Variants in NPAT observed in about 807,000 individuals in gnomAD.
NPAT encodes the protein nuclear protein, coactivator of histone transcription, also known as protein NPAT.
NPAT carries 52 observed loss-of-function variants against 130.7 expected under a neutral mutation model. The ratio of observed to expected loss-of-function variants is 0.40; its 90% CI spans 0.32 to 0.50. NPAT has a LOEUF of 0.50. Among genes scored for constraint, NPAT ranks in the 20% least tolerant of loss-of-function variants. The probability of loss-of-function intolerance (pLI) is 0.68; values close to 1 mark genes in which losing one functional copy is unlikely to be tolerated. For synonymous variants in NPAT, 580 were observed against 584.8 expected, an observed-to-expected ratio of 0.99 and a Z score of 0.12; for missense variants, 1,687 against 1,662.6, an observed-to-expected ratio of 1.01 and a Z score of -0.26.
At position 108,169,920 on chromosome 11, in the gene NPAT, A is replaced by C. The variant is rs948355550; in HGVS notation, c.2901+8T>G. 6.2e-7 allele frequency: 1 copy of C among 1,612,390 alleles called. No individual in the cohort carries two copies. The highest frequency in any genetic ancestry group is 1.1e-5 in the South Asian group (1 of 91,052). ...ATCACCACACCATTTTCAGTTCATA[A>C]ATCTTACCTGCCGAGGAGGAGTAGA... On this transcript the variant is annotated splice_region_variant and intron_variant, in intron 14 of 17. Coordinates refer to ENST00000278612, the MANE Select transcript of NPAT (RefSeq NM_002519.3).
chr11:108,172,029 A>G lies in NPAT; in HGVS notation c.2785+170T>C, dbSNP rs183450328. The G allele has an allele frequency of 7.9e-5, 50 of 630,606 alleles. No homozygotes were observed. The East Asian group carries it at 1.2e-3, about 16-fold the overall frequency. 39.1% of individuals were successfully genotyped at this position (630,606 alleles called of 1,614,324 possible). On this transcript the variant is annotated intron_variant, in intron 13 of 17. Coordinates refer to ENST00000278612, the MANE Select transcript of NPAT (RefSeq NM_002519.3). ...AGCTTACTAGCAGATTAAGAAAAAT[A>G]AAAAAGGTTTGAATTAGCTAGCATA... is the stretch of plus-strand genomic sequence containing the variant.
At position 108,173,054 on chromosome 11, in the gene NPAT, A is replaced by C. The variant is rs1337471222; in HGVS notation, c.1930T>G (p.Leu644Val). 85 of 1,613,898 alleles carry C rather than the reference A, an allele frequency of 5.3e-5. No homozygotes were observed. The highest frequency in any genetic ancestry group is 7.0e-5 in the Non-Finnish European group (83 of 1,179,986). Residue 644 changes from leucine (L) to valine (V), a missense_variant, in exon 13 of 18, where the codon TTA (leucine) becomes GTA (valine). Leu to Val is a conservative substitution (Grantham distance 32). Coordinates refer to ENST00000278612, the MANE Select transcript of NPAT (RefSeq NM_002519.3). ...QPSNDSASVE[L>V]NHTENEAQAS... Reference sequence around the variant, plus strand: ...TGAGCTTCATTTTCTGTATGATTTAACTCAACAGATGCTGAATCATTAGAT... The same window carrying C: ...TGAGCTTCATTTTCTGTATGATTTACCTCAACAGATGCTGAATCATTAGAT...
In NPAT at chr11:108,157,554, A is replaced by G. The variant is rs181715087; in HGVS notation, c.*1388T>C. The G allele has an allele frequency of 6.6e-6, 1 of 152,254 alleles. No individual in the cohort carries two copies. Among genetic ancestry groups the G allele is most frequent in the Non-Finnish European group, 1.5e-5 (1 of 67,952 alleles). The allele number at this position is 152,254 out of a possible 1,614,324, so 9.4% of individuals were successfully genotyped here. On this transcript the variant is annotated 3_prime_UTR_variant, in exon 18 of 18. Coordinates refer to ENST00000278612, the MANE Select transcript of NPAT (RefSeq NM_002519.3). ...TTTTTGCAGTAAGGTTCAGCAATTA[A>G]GAAGACATGATTTCTACACTGAGAA... is the stretch of plus-strand genomic sequence containing the variant.
chr11:108,207,025 T>G (rs1434900969), intron 1 of NPAT, among the ~76,000 whole-genome samples: 1 of 152,176 alleles, frequency 6.6e-6, no homozygotes, highest in Non-Finnish European at 1.5e-5. Flanking sequence ...GGTAGCTCCT[T>G]TCTGCAGGCA....
chr11:108,174,609 T>C (rs1591392175), intron 12 of NPAT, among the ~76,000 whole-genome samples: 1 of 130,250 alleles, frequency 7.7e-6, no homozygotes, highest in South Asian at 2.5e-4. Context: ...AAGGAAAGAG[T>C]ATTTCCTTTT....
Position 108,173,382 on chromosome 11 carries a change from T to A in NPAT, c.1602A>T (p.Leu534Phe), listed in dbSNP as rs2077973516. 1 of 1,613,950 alleles carries A rather than the reference T, an allele frequency of 6.2e-7. No homozygotes were observed. The highest frequency in any genetic ancestry group is 8.5e-7 in the Non-Finnish European group (1 of 1,179,836). Residue 534 changes from leucine (L) to phenylalanine (F), a missense_variant, in exon 13 of 18, where the codon TTA becomes TTT. Physicochemically the swap from Leu to Phe is conservative, Grantham distance 22. Around this residue, in one of 3 missense-constraint regions of NPAT, gnomAD observed 1,379 missense variants for 1,346.6 expected, o/e 1.02. Coordinates refer to ENST00000278612, the MANE Select transcript of NPAT (RefSeq NM_002519.3). ...LILSGKSSQL[L>F]SQDTSLTGKP... is the part of the protein sequence containing the mutation. The stretch of plus-strand genomic sequence containing the variant: ...TTCCAGTTAATGAAGTATCTTGGGA[T>A]AAAAGTTGAGAACTCTTCCCAGAGA...
In NPAT at chr11:108,218,843, C is replaced by A. The variant is rs531768494; in HGVS notation, c.37+3657G>T. On this transcript the variant is annotated intron_variant, in intron 1 of 17. Coordinates refer to ENST00000278612, the MANE Select transcript of NPAT (RefSeq NM_002519.3). ...TTATGAAGGGTAACAGTTGGAGATA[C>A]AACAGAAAAGACAAAATGGGTAAGG... is the stretch of plus-strand genomic sequence containing the variant. Among the ~76,000 whole-genome samples the A allele has an allele frequency of 2.0e-5, 3 of 152,132 alleles. No homozygotes were observed. In the East Asian group the frequency reaches 5.8e-4, roughly 29 times the overall value.
At chr11:108,170,149 G>C in intron 13 of NPAT, 106 bp from the exon 14 acceptor site, 1 of 617,340 alleles carries the variant, frequency 1.6e-6, no homozygotes, top group South Asian at 1.5e-5. Flanking sequence ...TAAATTCTAT[G>C]AACAATCCCT....
At chr11:108,221,103 G>C (rs1328876734) in intron 1 of NPAT, among the ~76,000 whole-genome samples, 1 of 152,100 alleles carries the variant, frequency 6.6e-6, no homozygotes, top group African/African-American at 2.4e-5. Context: ...TGCTTTCTTA[G>C]GGCTTTCTTA....
chr11:108,211,880 G>A (rs1347639645), intron 1 of NPAT, among the ~76,000 whole-genome samples: 2 of 152,212 alleles, frequency 1.3e-5, no homozygotes, highest in African/African-American at 2.4e-5. Context: ...AGTCTGGGAG[G>A]CTGAGGCTGC....
At chr11:108,212,189 C>T (rs2078390526) in intron 1 of NPAT, among the ~76,000 whole-genome samples, 1 of 151,838 alleles carries the variant, frequency 6.6e-6, no homozygotes, top group African/African-American at 2.4e-5. Context: ...TTCAACATTG[C>T]ATGTATCCTC....
At chr11:108,192,223 C>T in intron 3 of NPAT, 33 bp from the exon 4 acceptor site, 1 of 1,361,848 alleles carries the variant, frequency 7.3e-7, no homozygotes, top group African/African-American at 1.4e-5. Flanking sequence ...CTTAATAAAC[C>T]CAGCTGAAGA....
intron 15 of NPAT, among the ~76,000 whole-genome samples, chr11:108,167,445 TCAAA>T (rs2077911943): frequency 6.6e-6 from 1 of 152,186 alleles, no homozygotes; most frequent in African/African-American, 2.4e-5. Context: ...ACTCCTAGAC[TCAAA>T]CAATCCTCCT....
In NPAT at chr11:108,172,743, A is replaced by G. The variant is rs1318050004; in HGVS notation, c.2241T>C (p.Asp747=). Residue 747 remains aspartate, a synonymous_variant, in exon 13 of 18, where the codon GAT becomes GAC. Coordinates refer to ENST00000278612, the MANE Select transcript of NPAT (RefSeq NM_002519.3). ...IVSLKVIISD[D]PFVSSDTELT... ...GTTCAGTATCTGAGGAAACAAATGG[A>G]TCATCACTAATGATAACTTTGAGAG... The G allele has an allele frequency of 6.2e-7, 1 of 1,613,444 alleles. No homozygotes were observed. The highest frequency in any genetic ancestry group is 2.2e-5 in the East Asian group (1 of 44,880).
In NPAT at chr11:108,160,870, T is replaced by G. The variant is rs1294109561; in HGVS notation, c.4206+10A>C. The G allele has an allele frequency of 2.6e-5, 42 of 1,607,936 alleles. No individual in the cohort carries two copies. Among genetic ancestry groups the G allele is most frequent in the Admixed American group, 5.0e-5 (3 of 59,420 alleles). On this transcript the variant is annotated intron_variant, in intron 17 of 17. Coordinates refer to ENST00000278612, the MANE Select transcript of NPAT (RefSeq NM_002519.3). ...AGGTGTGGTTTTGAAATTAAAACTT[T>G]CAAACTTGCCTTAATTTTCTTCTTT...
rs544106839 is a variant in NPAT, at chr11:108,161,931, A to G, written c.3155T>C (p.Ile1052Thr). ...ETTVPFPEES[I>T]VPAAKPCHRR... ...GTGGCATGGTTTAGCAGCTGGAACTATACTCTCTTCTGGGAAGGGAACTGT... is the reference window on the plus strand; with the variant it reads ...GTGGCATGGTTTAGCAGCTGGAACTGTACTCTCTTCTGGGAAGGGAACTGT... The change falls in exon 17 of 18, where the codon ATA (isoleucine) becomes ACA (threonine). Residue 1052 changes from isoleucine to threonine, a missense_variant. Around this residue, in one of 3 missense-constraint regions of NPAT, gnomAD observed 1,379 missense variants for 1,346.6 expected, o/e 1.02. Coordinates refer to ENST00000278612, the MANE Select transcript of NPAT (RefSeq NM_002519.3). The G allele has an allele frequency of 6.0e-5, 96 of 1,608,768 alleles. 1 individual carries two copies. In the South Asian group the frequency reaches 9.6e-4, roughly 16 times the overall value.
At chr11:108,189,941 A>G (rs1173752633) in intron 5 of NPAT, among the ~76,000 whole-genome samples, 1 of 152,076 alleles carries the variant, frequency 6.6e-6, no homozygotes, top group Non-Finnish European at 1.5e-5. Flanking sequence ...TACATGAGTC[A>G]ATGTGAAATG....
chr11:108,192,169 G>A lies in NPAT; in HGVS notation c.239C>T (p.Ala80Val). 6.2e-7 allele frequency: 1 copy of A among 1,605,046 alleles called. No individual in the cohort carries two copies. Among genetic ancestry groups the A allele is most frequent in the Non-Finnish European group, 8.5e-7 (1 of 1,172,008 alleles). Residue 80 changes from alanine (A) to valine (V), a missense_variant, in exon 4 of 18, where the codon GCA becomes GTA. By Grantham distance (64) the Ala-to-Val change is moderately conservative. Coordinates refer to ENST00000278612, the MANE Select transcript of NPAT (RefSeq NM_002519.3). ...TTTCTTCCATAGAGATGACATTATTGCTGGGACATTATTTGATGTTTCTAA... is the reference window on the plus strand; with the variant it reads ...TTTCTTCCATAGAGATGACATTATTACTGGGACATTATTTGATGTTTCTAA... Reference protein sequence around the residue: ...KTKETSNNVPAIMSSLWKKLD... With the variant: ...KTKETSNNVPVIMSSLWKKLD...
chr11:108,217,763 C>T (rs1333489852), intron 1 of NPAT, among the ~76,000 whole-genome samples: 1 of 152,060 alleles, frequency 6.6e-6, no homozygotes, highest in Non-Finnish European at 1.5e-5. Flanking sequence ...GAGGCCGAGG[C>T]GCATGGATCA....
Sources: allele counts gnomAD v4.1 joint callset (sites outside exome capture counted in the v4.1 genomes callset), GRCh38; gene constraint gnomAD v4.1.1; regional missense constraint gnomAD v4.1.1; transcripts MANE v1.5; gene names NCBI Gene and HGNC (gene_info 2026-07-23, HGNC 2026-07-21).